The following DNAJA4 variants were observed in gnomAD, a reference collection of about 807,000 sequenced individuals.
DNAJA4 encodes dnaJ homolog subfamily A member 4.
Under a neutral mutation model 39.7 loss-of-function variants are expected in DNAJA4, and 32 were observed. The observed-to-expected ratio is 0.81, with a 90% CI of 0.61 to 1.08. The LOEUF (loss-of-function observed/expected upper bound fraction) is 1.08. DNAJA4 is among the 50% of genes least tolerant of loss of function. The pLI, the probability that DNAJA4 is intolerant of heterozygous loss-of-function variation, is 0.00. For missense variants in DNAJA4, 439 were observed against 505.1 expected, an observed-to-expected ratio of 0.87 and a Z score of 1.25; for synonymous variants, 184 against 182.4, an observed-to-expected ratio of 1.01 and a Z score of -0.07.
rs1214931322 is a variant in DNAJA4 at position 78,279,758 on chromosome 15, C to A, written c.878-287C>A. 2.1e-6 allele frequency: 1 copy of A among 478,010 alleles called. No individual in the cohort carries two copies. The allele number at this position is 478,010 out of a possible 1,614,324, so 29.6% of individuals were successfully genotyped here. ...TAGGCAGACTTGGGTGTCATGACTT[C>A]TAGTTCACTTGTTTTAAACCTACCT... On this transcript the variant is annotated intron_variant, in intron 5 of 6. Transcript: ENST00000394852. The surrounding 1 kb of genome is among the most constrained non-coding windows in gnomAD (Gnocchi z 4.5).
In DNAJA4 at chr15:78,265,029, G is replaced by A. The variant is rs2049082769; in HGVS notation, c.132+134G>A. On this transcript the variant is annotated intron_variant, in intron 1 of 6. Transcript: ENST00000394852. ...TCGCCAGGCGCCTCGGGGCCAGGCC[G>A]GGCAGAGGTGGCGGGAGACCCTGGG... 2.9e-5 allele frequency: 33 copies of A among 1,127,330 alleles called. No homozygotes were observed. In the South Asian group the frequency reaches 4.5e-4, roughly 15 times the overall value. The allele number at this position is 1,127,330 out of a possible 1,614,324, so 69.8% of individuals were successfully genotyped here. A position where few individuals can be genotyped will look rare whatever the true frequency, so the allele number is the denominator to read the frequency against.
chr15:78,267,204 G>GTA (rs1454630727), intron 1 of DNAJA4, among the ~76,000 whole-genome samples: 1 of 152,130 alleles, frequency 6.6e-6, no homozygotes, highest in Non-Finnish European at 1.5e-5. Context: ...GTGTGTATGT[G>GTA]AGTGTGTATG....
intron 4 of DNAJA4, chr15:78,274,929 CT>C: frequency 1.1e-5 from 2 of 177,244 alleles, no homozygotes; most frequent in Admixed American, 5.5e-5. Context: ...ATTTTAAGGC[CT>C]TTTTCCATTT....
chr15:78,279,760 A>C lies in DNAJA4; in HGVS notation c.878-285A>C. ...GGCAGACTTGGGTGTCATGACTTCTAGTTCACTTGTTTTAAACCTACCTGT... is the reference window on the plus strand; with the variant it reads ...GGCAGACTTGGGTGTCATGACTTCTCGTTCACTTGTTTTAAACCTACCTGT... On this transcript the variant is annotated intron_variant, in intron 5 of 6. Coordinates refer to ENST00000394852, the MANE Select transcript of DNAJA4 (RefSeq NM_001130182.2). This position sits in a 1 kb window ranked among gnomAD's most constrained non-coding sequence, Gnocchi z 4.5. The C allele has an allele frequency of 2.1e-6, 1 of 473,070 alleles. No individual in the cohort carries two copies. The highest frequency in any genetic ancestry group is 3.8e-6 in the Non-Finnish European group (1 of 264,822). The allele number at this position is 473,070 out of a possible 1,614,324, so 29.3% of individuals were successfully genotyped here.
chr15:78,270,356 C>A, intron 1 of DNAJA4, 141 bp from the exon 2 acceptor site: 1 of 827,926 alleles, frequency 1.2e-6, no homozygotes, highest in Non-Finnish European at 1.9e-6. Context: ...AAGTCAGATT[C>A]CAGGTAGAGG....
intron 1 of DNAJA4, among the ~76,000 whole-genome samples, 155 bp downstream of exon 1, chr15:78,265,050 C>T (rs113594982): frequency 0.1 from 15,285 of 152,228 alleles, 790 homozygotes; most frequent in East Asian, 0.13. Flanking sequence ...GCGGGAGACC[C>T]TGGGCGCCGT....
intron 1 of DNAJA4, 49 bp from the exon 2 acceptor site, chr15:78,270,448 A>G: frequency 1.3e-6 from 2 of 1,581,908 alleles, no homozygotes; most frequent in Non-Finnish European, 1.7e-6. Context: ...TTTGCTTAAC[A>G]AAACAACTGA....
intron 5 of DNAJA4, among the ~76,000 whole-genome samples, chr15:78,278,508 G>T (rs990379947): frequency 6.6e-6 from 1 of 152,222 alleles, no homozygotes; most frequent in African/African-American, 2.4e-5. Context: ...GCAGGTTGCT[G>T]TACTGAATAC....
At chr15:78,264,180 A>G, upstream of DNAJA4, 1 of 566,016 alleles carries the variant, frequency 1.8e-6, no homozygotes, top group Non-Finnish European at 2.8e-6. Context: ...CGGCCAACAC[A>G]GCCCTCCAGG....
Position 78,264,905 on chromosome 15 carries a change from G to A in DNAJA4, c.132+10G>A. ...GGATGAGGGCGAGAAGGTGCGGGGC[G>A]GCGCGGGGCACGGGCCGGGCTCCCG... On this transcript the variant is annotated intron_variant, in intron 1 of 6. Transcript: ENST00000394852. The A allele has an allele frequency of 6.3e-7, 1 of 1,584,480 alleles. No homozygotes were observed.
At chr15:78,274,450 C>T (rs1333205575) in intron 4 of DNAJA4, 26 bp downstream of exon 4, 2 of 1,604,550 alleles carry the variant, frequency 1.2e-6, no homozygotes, top group African/African-American at 2.7e-5. Context: ...GCTGGTGCTC[C>T]ACACGGGCTG....
intron 1 of DNAJA4, chr15:78,266,167 G>A (rs2037347): frequency 0.82 from 1,257,081 of 1,524,092 alleles, 519,742 homozygotes; most frequent in East Asian, 0.9. Context: ...CATTCATTGT[G>A]GTCCGCTTCT....
Position 78,264,625 on chromosome 15 carries a change from A to AGCC in DNAJA4, c.-137_-136insCGC. On this transcript the variant is annotated 5_prime_UTR_variant, in exon 1 of 7. Coordinates refer to ENST00000394852, the MANE Select transcript of DNAJA4 (RefSeq NM_001130182.2). The stretch of plus-strand genomic sequence containing the variant: ...GGGCGGGGGGCGGGCGGGAGCTACA[A>AGCC]GCGGCGGCGGCGGCGGCGACCGTGA... The AGCC allele has an allele frequency of 3.0e-6, 3 of 991,394 alleles. No individual in the cohort carries two copies. The highest frequency in any genetic ancestry group is 3.6e-6 in the Non-Finnish European group (3 of 826,128). 61.4% of individuals were successfully genotyped at this position (991,394 alleles called of 1,614,324 possible).
At chr15:78,270,868 G>T (rs931338727) in intron 2 of DNAJA4, among the ~76,000 whole-genome samples, 191 bp downstream of exon 2, 2 of 151,850 alleles carry the variant, frequency 1.3e-5, no homozygotes, top group African/African-American at 2.4e-5. Flanking sequence ...GACCAACCGG[G>T]GCAACATAGT....
At position 78,275,715 on chromosome 15, in the gene DNAJA4, T is replaced by A; in HGVS notation, c.864T>A (p.Ile288=). Residue 288 remains isoleucine, a synonymous_variant, in exon 5 of 7, where the codon ATT becomes ATA. Transcript: ENST00000394852. ...IKTLDNRILV[I]TSKAGEVIKH... ...CATTGGACAATCGAATTCTTGTTAT[T>A]ACATCCAAAGCAGGTAATGTTTCAA... 1 of 1,607,884 alleles carries A rather than the reference T, an allele frequency of 6.2e-7. No individual in the cohort carries two copies. Among genetic ancestry groups the A allele is most frequent in the South Asian group, 1.1e-5 (1 of 90,942 alleles).
chr15:78,264,934 G>A (rs780775042), intron 1 of DNAJA4, 39 bp downstream of exon 1: 60 of 1,534,700 alleles, frequency 3.9e-5, no homozygotes, highest in Non-Finnish European at 5.2e-5. Flanking sequence ...GCTCCCGAGG[G>A]GCCAAGGGTT....
chr15:78,278,851 A>G (rs1185331418), intron 5 of DNAJA4, among the ~76,000 whole-genome samples: 4 of 30,690 alleles, frequency 1.3e-4, no homozygotes, highest in Non-Finnish European at 1.9e-4. Context: ...TTTTTTTTTT[A>G]GTAGAGACGG....
At chr15:78,275,856 C>T in intron 5 of DNAJA4, 128 bp downstream of exon 5, 1 of 674,400 alleles carries the variant, frequency 1.5e-6, no homozygotes, top group Non-Finnish European at 2.5e-6. Flanking sequence ...GATACTTTGT[C>T]CCTTGCATAA....
intron 1 of DNAJA4, among the ~76,000 whole-genome samples, chr15:78,268,739 G>A (rs1011251246): frequency 1.3e-5 from 2 of 152,174 alleles, no homozygotes; most frequent in Non-Finnish European, 1.5e-5. Context: ...TTTACCAAGT[G>A]CCTTCTACAT....
Sources: gnomAD v4.1 joint callset for allele counts (sites outside exome capture counted in the v4.1 genomes callset) on GRCh38, gnomAD v4.1.1 for gene constraint, Gnocchi (gnomAD v3.1) non-coding constraint, MANE v1.5 for transcripts, NCBI Gene and HGNC (gene_info 2026-07-23, HGNC 2026-07-21) for gene names.